Variants in DSCAML1 observed in about 807,000 individuals in gnomAD.
The protein encoded by DSCAML1 is DS cell adhesion molecule like 1.
A neutral mutation model predicts 200.5 loss-of-function variants in DSCAML1; 38 were observed. That is an observed-to-expected ratio of 0.19 (90% CI 0.15 to 0.25). The LOEUF (loss-of-function observed/expected upper bound fraction) is 0.25. Ranked by LOEUF, DSCAML1 falls within the 10% of genes least tolerant of loss-of-function variation. DSCAML1 has a pLI of 1.00. For missense variants in DSCAML1, 2,223 were observed against 2,858.8 expected, an observed-to-expected ratio of 0.78 and a Z score of 5.07; for synonymous variants, 1,215 against 1,165.0, an observed-to-expected ratio of 1.04 and a Z score of -0.87.
chr11:117,484,410 G>A (rs180922977), intron 11 of DSCAML1, among the ~76,000 whole-genome samples: 42 of 152,286 alleles, frequency 2.8e-4, no homozygotes, highest in Admixed American at 2.5e-3. Context: ...CTGGCCTCCA[G>A]GCCCCCGCAC....
At chr11:117,748,240 C>T (rs967027630) in intron 3 of DSCAML1, among the ~76,000 whole-genome samples, 3 of 152,202 alleles carry the variant, frequency 2.0e-5, no homozygotes, top group East Asian at 1.9e-4. Context: ...TCTCTCCCTG[C>T]CCTGGACACA....
At chr11:117,811,070 C>T (rs1016942988) in intron 1 of DSCAML1, among the ~76,000 whole-genome samples, 6 of 152,160 alleles carry the variant, frequency 3.9e-5, no homozygotes, top group African/African-American at 9.7e-5. Context: ...CTTACAGTTT[C>T]GTTCTGTGAC....
At chr11:117,587,394 C>T (rs945545731) in intron 3 of DSCAML1, among the ~76,000 whole-genome samples, 1 of 152,112 alleles carries the variant, frequency 6.6e-6, no homozygotes, top group African/African-American at 2.4e-5. Flanking sequence ...AGTCTGCCCT[C>T]CTCCTACCCT....
In DSCAML1 at chr11:117,460,997, C is replaced by T. The variant is rs190053984; in HGVS notation, c.3412+453G>A. Among the ~76,000 whole-genome samples the T allele has an allele frequency of 1.8e-3, 268 of 152,110 alleles. 1 individual carries two copies. Among genetic ancestry groups the T allele is most frequent in the Non-Finnish European group, 3.0e-3 (204 of 67,996 alleles). On this transcript the variant is annotated intron_variant, in intron 18 of 32. Transcript: ENST00000651296. ...CAGTCCCTTCATTAAACTCTTTGAT[C>T]GCCCCATTTGAGTGTACCGACTATT...
At chr11:117,754,130 G>T (rs1050206706) in intron 3 of DSCAML1, among the ~76,000 whole-genome samples, 2 of 152,140 alleles carry the variant, frequency 1.3e-5, no homozygotes, top group African/African-American at 4.8e-5. Flanking sequence ...GAATGGGGAG[G>T]GGGGTAGAAA....
intron 3 of DSCAML1, among the ~76,000 whole-genome samples, chr11:117,582,297 T>C (rs567587355): frequency 6.6e-6 from 1 of 152,274 alleles, no homozygotes; most frequent in East Asian, 1.9e-4. Flanking sequence ...CTCTATTCCT[T>C]TGGAGAAGTG....
At chr11:117,771,173 G>C (rs1215404432) in intron 3 of DSCAML1, among the ~76,000 whole-genome samples, 1 of 152,158 alleles carries the variant, frequency 6.6e-6, no homozygotes, top group East Asian at 1.9e-4. Context: ...AGTTGGTGTA[G>C]ATTCGTGGGA....
rs368934331 is a variant in DSCAML1, at chr11:117,438,022, G to A, written c.4305C>T (p.Ser1435=). 6.8e-6 allele frequency: 11 copies of A among 1,614,122 alleles called. No homozygotes were observed. The African/African-American group carries it at 9.3e-5, about 14-fold the overall frequency. The change falls in exon 25 of 33, where the codon TCC becomes TCT. Residue 1435 remains serine, a synonymous_variant. Transcript: ENST00000651296. ...SEEWKDVFIS[S]SERSFKLDSL... ...TGTCCAGCTTGAAGGAGCGCTCGCTGGAGCTGATGAACACATCCTTCCACT... is the reference window on the plus strand; with the variant it reads ...TGTCCAGCTTGAAGGAGCGCTCGCTAGAGCTGATGAACACATCCTTCCACT...
chr11:117,456,332 T>C lies in DSCAML1; in HGVS notation c.3568+2422A>G, dbSNP rs138247198. Among the ~76,000 whole-genome samples the C allele has an allele frequency of 4.3e-3, 659 of 152,346 alleles. 2 individuals carry two copies. Among genetic ancestry groups the C allele is most frequent in the Non-Finnish European group, 7.3e-3 (499 of 68,040 alleles). On this transcript the variant is annotated intron_variant, in intron 19 of 32. Coordinates refer to ENST00000651296, the MANE Select transcript of DSCAML1 (RefSeq NM_020693.4). The stretch of plus-strand genomic sequence containing the variant: ...ACTCAGGACTTCTTGCTATGTGTGA[T>C]AATAAATGTGCTTATTGCTGAAATG...
intron 3 of DSCAML1, among the ~76,000 whole-genome samples, chr11:117,576,251 G>A (rs750276895): frequency 2.2e-4 from 33 of 152,258 alleles, no homozygotes; most frequent in Middle Eastern, 3.4e-3. Context: ...GTCTCATTCT[G>A]GGTTTCACTG....
At chr11:117,525,679 C>T (rs1162808081) in intron 4 of DSCAML1, among the ~76,000 whole-genome samples, 4 of 152,044 alleles carry the variant, frequency 2.6e-5, no homozygotes, top group African/African-American at 7.2e-5. Context: ...AGGCTGGTCT[C>T]GAACTCCTGA....
intron 21 of DSCAML1, among the ~76,000 whole-genome samples, chr11:117,443,060 A>G (rs2048100997): frequency 6.6e-6 from 1 of 152,158 alleles, no homozygotes; most frequent in South Asian, 2.1e-4. Flanking sequence ...TGGCCCCGGT[A>G]GGCTGGCCAG....
chr11:117,607,925 T>C (rs2051604653), intron 3 of DSCAML1, among the ~76,000 whole-genome samples: 1 of 152,214 alleles, frequency 6.6e-6, no homozygotes, highest in Non-Finnish European at 1.5e-5. Context: ...ATGCATGAAA[T>C]CCCACCAGAG....
At chr11:117,802,047 A>AG (rs2055664634), upstream of DSCAML1, 1 of 152,262 alleles carries the variant, frequency 6.6e-6, no homozygotes, top group South Asian at 2.1e-4. Context: ...TAAGAGAGAT[A>AG]GGAAAAAAAA....
At chr11:117,531,271 G>A (rs187236956) in intron 4 of DSCAML1, among the ~76,000 whole-genome samples, 11 of 152,270 alleles carry the variant, frequency 7.2e-5, no homozygotes, top group Admixed American at 7.2e-4. Flanking sequence ...AATTCTGGCT[G>A]TGCCTCCCAC....
rs1565845751 is a variant in DSCAML1, at chr11:117,642,484, TAGG to T, written c.512-109965_512-109963del. On this transcript the variant is annotated intron_variant, in intron 3 of 32. Transcript: ENST00000651296. The surrounding 1 kb of genome is among the most constrained non-coding windows in gnomAD (Gnocchi z 4.1). ...CAGGCCCCACTGCCAACATGCTCAG[TAGG>T]ACACTAGACCAGCAAAGCCACAAAG... is the stretch of plus-strand genomic sequence containing the variant. 6.6e-6 allele frequency among the ~76,000 whole-genome samples: 1 copy of T among 152,156 alleles called. No individual in the cohort carries two copies. The highest frequency in any genetic ancestry group is 1.5e-5 in the Non-Finnish European group (1 of 68,030).
At chr11:117,617,630 A>G (rs1303890776) in intron 3 of DSCAML1, among the ~76,000 whole-genome samples, 1 of 151,922 alleles carries the variant, frequency 6.6e-6, no homozygotes, top group African/African-American at 2.4e-5. Flanking sequence ...CCATTTAGGA[A>G]AAAAACAACA....
At chr11:117,484,378 G>A (rs1254689130) in intron 11 of DSCAML1, among the ~76,000 whole-genome samples, 3 of 152,288 alleles carry the variant, frequency 2.0e-5, no homozygotes, top group African/African-American at 4.8e-5. Context: ...TTGTCATGCA[G>A]GACTTGATGC....
At chr11:117,774,923 A>G (rs189498238) in intron 3 of DSCAML1, among the ~76,000 whole-genome samples, 2 of 152,312 alleles carry the variant, frequency 1.3e-5, no homozygotes, top group East Asian at 1.9e-4. Flanking sequence ...GAGATCCTGT[A>G]TGGAAGTTTC....
Sources: allele counts gnomAD v4.1 joint callset (sites outside exome capture counted in the v4.1 genomes callset), GRCh38; gene constraint gnomAD v4.1.1; non-coding constraint Gnocchi (gnomAD v3.1); transcripts MANE v1.5; gene names NCBI Gene and HGNC (gene_info 2026-07-23, HGNC 2026-07-21).